Variants in TXNDC15 observed in about 807,000 individuals in gnomAD.
The protein encoded by TXNDC15 is thioredoxin domain-containing protein 15.
A neutral mutation model predicts 35.0 loss-of-function variants in TXNDC15; 24 were observed. That is an observed-to-expected ratio of 0.68 (90% CI 0.50 to 0.96). The LOEUF (loss-of-function observed/expected upper bound fraction) is 0.96, where lower values mean the gene tolerates loss of function less well. Ranked by LOEUF, TXNDC15 falls within the 40% of genes least tolerant of loss-of-function variation. The pLI is 0.00. For synonymous variants in TXNDC15, 169 were observed against 174.0 expected, an observed-to-expected ratio of 0.97 and a Z score of 0.23; for missense variants, 385 against 453.3, an observed-to-expected ratio of 0.85 and a Z score of 1.37.
intron 4 of TXNDC15, among the ~76,000 whole-genome samples, chr5:134,896,648 T>C (rs1174227561): frequency 8.1e-5 from 12 of 148,042 alleles, no homozygotes; most frequent in South Asian, 2.1e-4. Context: ...ACTTTTTTTT[T>C]CCCTTTTTTT....
chr5:134,890,608 C>T (rs1750371330), intron 2 of TXNDC15, among the ~76,000 whole-genome samples: 2 of 152,048 alleles, frequency 1.3e-5, no homozygotes, highest in African/African-American at 2.4e-5. Context: ...CAGGGTTTCA[C>T]CATGTTGGTC....
chr5:134,890,337 T>G (rs913619076), intron 2 of TXNDC15, among the ~76,000 whole-genome samples: 3 of 151,960 alleles, frequency 2.0e-5, no homozygotes, highest in Admixed American at 2.0e-4. Flanking sequence ...GCCCACAGTT[T>G]CGTTTCGTTT....
At chr5:134,899,339 G>A in intron 4 of TXNDC15, 150 bp from the exon 5 acceptor site, 1 of 653,322 alleles carries the variant, frequency 1.5e-6, no homozygotes. Context: ...TGATAGGCAA[G>A]TGAAATCCAT....
Position 134,899,794 on chromosome 5 carries a change from C to A in TXNDC15, c.*109C>A. ...TGACGTGTTGACTTGAAACTTCAGG[C>A]AGATTAAAAGAATCATTTGTTGAAC... On this transcript the variant is annotated 3_prime_UTR_variant, in exon 5 of 5. Coordinates refer to ENST00000358387, the MANE Select transcript of TXNDC15 (RefSeq NM_024715.4). 1.1e-6 allele frequency: 1 copy of A among 888,666 alleles called. No individual in the cohort carries two copies. The allele number at this position is 888,666 out of a possible 1,614,324, so 55.0% of individuals were successfully genotyped here. A position where few individuals can be genotyped will look rare whatever the true frequency, so the allele number is the denominator to read the frequency against.
At chr5:134,896,247 C>T (rs1750486074) in intron 3 of TXNDC15, 47 bp from the exon 4 acceptor site, 3 of 1,587,670 alleles carry the variant, frequency 1.9e-6, no homozygotes, top group East Asian at 2.2e-5. Flanking sequence ...ATGAGAAAGC[C>T]CTCTATTAAT....
intron 1 of TXNDC15, 50 bp downstream of exon 1, chr5:134,874,580 C>A: frequency 6.8e-7 from 1 of 1,470,312 alleles, no homozygotes; most frequent in Non-Finnish European, 9.2e-7. Flanking sequence ...GAGCTGAGGT[C>A]CACCCGGGCG....
At chr5:134,897,181 G>T (rs11743497) in intron 4 of TXNDC15, among the ~76,000 whole-genome samples, 2 of 151,052 alleles carry the variant, frequency 1.3e-5, no homozygotes, top group African/African-American at 2.4e-5. Flanking sequence ...TGATCCACCC[G>T]CCTCGGCCTC....
intron 2 of TXNDC15, among the ~76,000 whole-genome samples, chr5:134,889,716 C>T (rs1261655710): frequency 1.3e-5 from 2 of 152,196 alleles, no homozygotes; most frequent in Non-Finnish European, 2.9e-5. Context: ...GTACTTAGTA[C>T]AGGCATACCT....
chr5:134,889,051 T>G (rs1437270801), intron 2 of TXNDC15, among the ~76,000 whole-genome samples: 2 of 152,196 alleles, frequency 1.3e-5, no homozygotes, highest in African/African-American at 4.8e-5. Flanking sequence ...GCACAGCACC[T>G]GTAGTGCACA....
chr5:134,891,434 A>C (rs1240857580), intron 2 of TXNDC15, among the ~76,000 whole-genome samples: 3 of 152,178 alleles, frequency 2.0e-5, no homozygotes, highest in African/African-American at 7.2e-5. Context: ...GACCAGGTGC[A>C]TTGTCAACGA....
Position 134,899,630 on chromosome 5 carries a change from G to A in TXNDC15, c.1028G>A (p.Arg343Gln), listed in dbSNP as rs1393485893. ...AGTTTTATTATGTATGCTACCATTC[G>A]AACTGAGAGTATTCGGTGGCTAATT... ...LISFIMYATI[R>Q]TESIRWLIPG... The change falls in exon 5 of 5, where the codon CGA (arginine) becomes CAA (glutamine). Residue 343 changes from arginine (R) to glutamine (Q), a missense_variant. Transcript: ENST00000358387. The A allele has an allele frequency of 6.2e-6, 10 of 1,613,188 alleles. No homozygotes were observed. Among genetic ancestry groups the A allele is most frequent in the African/African-American group, 5.3e-5 (4 of 74,854 alleles).
chr5:134,893,712 T>C (rs576350290), intron 3 of TXNDC15, 57 bp downstream of exon 3: 1 of 1,606,430 alleles, frequency 6.2e-7, no homozygotes, highest in South Asian at 1.1e-5. Context: ...TGCAGTTATT[T>C]GGAGGTCCTA....
chr5:134,874,458 C>A lies in TXNDC15; in HGVS notation c.31C>A (p.Arg11Ser). 2 of 1,604,838 alleles carry A rather than the reference C, an allele frequency of 1.2e-6. No individual in the cohort carries two copies. The highest frequency in any genetic ancestry group is 8.5e-7 in the Non-Finnish European group (1 of 1,177,692). ...CCCGGCTGCCGGTCGACGACCGCCC[C>A]GCGTCATGCGGCTCCTCGGCTGGTG... MVPAAGRRPP[R>S]VMRLLGWWQV... The change falls in exon 1 of 5, where the codon CGC becomes AGC. Residue 11 changes from arginine (R) to serine (S), a missense_variant. Arg to Ser is a moderately radical substitution (Grantham distance 110, BLOSUM62 -1). Transcript: ENST00000358387.
chr5:134,890,436 C>G (rs1366191180), intron 2 of TXNDC15, among the ~76,000 whole-genome samples: 6 of 146,786 alleles, frequency 4.1e-5, no homozygotes, highest in African/African-American at 1.5e-4. Flanking sequence ...GAGATGGAGT[C>G]TCACTCTGTC....
chr5:134,880,983 TC>T, intron 1 of TXNDC15, among the ~76,000 whole-genome samples: 1 of 151,902 alleles, frequency 6.6e-6, no homozygotes, highest in Non-Finnish European at 1.5e-5. Context: ...TTTATAGTTT[TC>T]ACCAAGTTTG....
rs1209570023 is a variant in TXNDC15 at position 134,879,836 on chromosome 5, CCAG to C, written c.103+5307_103+5309del. Among the ~76,000 whole-genome samples, 3 of 151,208 alleles carry C rather than the reference CCAG, an allele frequency of 2.0e-5. No individual in the cohort carries two copies. The East Asian group carries it at 5.8e-4, about 29-fold the overall frequency. On this transcript the variant is annotated intron_variant, in intron 1 of 4. Coordinates refer to ENST00000358387, the MANE Select transcript of TXNDC15 (RefSeq NM_024715.4). ...TGGATACAGAGCCTTGCTCTGTCACCCAGGCTGGAGTGCAGTGGCGTGATTCTC... is the reference window on the plus strand; with the variant it reads ...TGGATACAGAGCCTTGCTCTGTCACCGCTGGAGTGCAGTGGCGTGATTCTC...
intron 1 of TXNDC15, among the ~76,000 whole-genome samples, chr5:134,877,180 G>A (rs1750050076): frequency 6.6e-6 from 1 of 152,138 alleles, no homozygotes; most frequent in Non-Finnish European, 1.5e-5. Flanking sequence ...GAGGATGAAG[G>A]ATTTGGCAGG....
intron 2 of TXNDC15, chr5:134,892,464 T>A (rs750042628): frequency 2.6e-5 from 4 of 152,236 alleles, no homozygotes; most frequent in Non-Finnish European, 4.4e-5. Context: ...GCTGTTTTGC[T>A]TTCTTATCAT....
chr5:134,893,188 A>T (rs1750422096), intron 2 of TXNDC15: 1 of 235,136 alleles, frequency 4.3e-6, no homozygotes, highest in African/African-American at 2.2e-5. Context: ...GAAATGATGA[A>T]TTATGAAAAA....
Sources: gnomAD v4.1 joint callset for allele counts (sites outside exome capture counted in the v4.1 genomes callset) on GRCh38, gnomAD v4.1.1 for gene constraint, MANE v1.5 for transcripts, NCBI Gene and HGNC (gene_info 2026-07-23, HGNC 2026-07-21) for gene names.